GRM8: variants seen among roughly 807,000 people sequenced by gnomAD.
The protein encoded by GRM8 is glutamate metabotropic receptor 8.
A neutral mutation model predicts 87.2 loss-of-function variants in GRM8; 47 were observed. That is an observed-to-expected ratio of 0.54 (90% confidence interval 0.43 to 0.69). GRM8 has a LOEUF of 0.69. Among genes scored for constraint, GRM8 ranks in the 30% least tolerant of loss-of-function variants. The pLI, the probability that GRM8 is intolerant of heterozygous loss-of-function variation, is 0.00. For synonymous variants in GRM8, 396 were observed against 404.5 expected (o/e 0.98, Z 0.25); for missense variants, 1,019 against 1,139.2 (o/e 0.89, Z 1.52).
intron 3 of GRM8, among the ~76,000 whole-genome samples, chr7:126,937,269 GC>G (rs1354353141): frequency 1.6e-5 from 2 of 128,558 alleles, no homozygotes; most frequent in East Asian, 7.1e-4. Context: ...TTAGGAGTGG[GC>G]TACCAAACCA....
chr7:127,201,204 A>G (rs1255533547), intron 2 of GRM8, among the ~76,000 whole-genome samples: 1 of 152,038 alleles, frequency 6.6e-6, no homozygotes, highest in Non-Finnish European at 1.5e-5. Flanking sequence ...TTATCAAATA[A>G]CTACTCTGTG....
intron 8 of GRM8, among the ~76,000 whole-genome samples, chr7:126,591,736 A>T (rs1177500275): frequency 3.3e-5 from 5 of 151,818 alleles, no homozygotes; most frequent in Non-Finnish European, 7.4e-5. Context: ...AAATAAGAAC[A>T]AACTAAGCTC....
chr7:126,877,704 A>G (rs1389673922), intron 6 of GRM8, among the ~76,000 whole-genome samples: 1 of 152,200 alleles, frequency 6.6e-6, no homozygotes, highest in African/African-American at 2.4e-5. Context: ...GTCTTTACTT[A>G]TCACTCTAGC....
At chr7:127,142,141 TA>T (rs1394550932) in intron 2 of GRM8, among the ~76,000 whole-genome samples, 1 of 152,012 alleles carries the variant, frequency 6.6e-6, no homozygotes, top group African/African-American at 2.4e-5. Context: ...GCACACCTAA[TA>T]TTTTTTTAAA....
rs909236213 is a variant in GRM8 at position 126,803,865 on chromosome 7, G to A, written c.1157-33800C>T. Among the ~76,000 whole-genome samples the A allele has an allele frequency of 2.0e-5, 3 of 152,206 alleles. No homozygotes were observed. The East Asian group carries it at 5.8e-4, about 29-fold the overall frequency. On this transcript the variant is annotated intron_variant, in intron 6 of 10. Transcript: ENST00000339582. The stretch of plus-strand genomic sequence containing the variant: ...ATACACCTGCCTCATAGGATTAAAT[G>A]AGAGATCATGTGTTTAAAGTGCTAA...
chr7:126,467,258 T>C (rs976405053), intron 9 of GRM8, among the ~76,000 whole-genome samples: 2 of 151,834 alleles, frequency 1.3e-5, no homozygotes, highest in African/African-American at 4.8e-5. Context: ...GGTTTTCTGT[T>C]CCTGTGTTAG....
intron 3 of GRM8, among the ~76,000 whole-genome samples, chr7:127,004,534 A>G (rs1324447569): frequency 6.6e-6 from 1 of 151,732 alleles, no homozygotes; most frequent in Non-Finnish European, 1.5e-5. Flanking sequence ...CTTCACCGAT[A>G]TTGAGGTAAA....
chr7:126,757,092 G>A (rs182729950), intron 7 of GRM8, among the ~76,000 whole-genome samples: 4 of 152,050 alleles, frequency 2.6e-5, no homozygotes, highest in Admixed American at 6.6e-5. Flanking sequence ...GTCTAACAAA[G>A]TAAATTTAAA....
intron 3 of GRM8, among the ~76,000 whole-genome samples, chr7:126,955,416 T>C (rs775283465): frequency 2.7e-4 from 41 of 152,168 alleles, no homozygotes; most frequent in Admixed American, 1.6e-3. Context: ...CAATAAAAAT[T>C]GTTTGAATCG....
At chr7:127,051,629 A>C (rs1819482385) in intron 3 of GRM8, among the ~76,000 whole-genome samples, 1 of 150,150 alleles carries the variant, frequency 6.7e-6, no homozygotes. Context: ...TCCAAATACA[A>C]ATTAACAAAT....
intron 3 of GRM8, among the ~76,000 whole-genome samples, chr7:127,020,057 T>C (rs747694207): frequency 5.9e-5 from 9 of 152,114 alleles, no homozygotes; most frequent in Non-Finnish European, 1.3e-4. Flanking sequence ...ACACAAAAAG[T>C]GAGTTTCTAC....
chr7:126,906,055 G>A (rs1426708852), intron 3 of GRM8, among the ~76,000 whole-genome samples: 1 of 152,162 alleles, frequency 6.6e-6, no homozygotes, highest in African/African-American at 2.4e-5. Flanking sequence ...CAGTGTGAAA[G>A]TATTAGGAGA....
At chr7:126,565,713 G>T (rs993311645) in intron 8 of GRM8, among the ~76,000 whole-genome samples, 1 of 151,970 alleles carries the variant, frequency 6.6e-6, no homozygotes, top group Non-Finnish European at 1.5e-5. Flanking sequence ...AACTATAAAA[G>T]AACCCAAATA....
At chr7:127,046,359 G>A (rs1437750000) in intron 3 of GRM8, among the ~76,000 whole-genome samples, 2 of 151,748 alleles carry the variant, frequency 1.3e-5, no homozygotes, top group South Asian at 2.1e-4. Flanking sequence ...GCAACAGAGC[G>A]AGACTCTGTC....
chr7:126,889,774 A>G (rs1246701569), intron 6 of GRM8, among the ~76,000 whole-genome samples: 1 of 152,140 alleles, frequency 6.6e-6, no homozygotes, highest in Non-Finnish European at 1.5e-5. Flanking sequence ...GCAAATATTG[A>G]CCTTCTGACT....
At chr7:127,163,397 G>A (rs1298115232) in intron 2 of GRM8, among the ~76,000 whole-genome samples, 1 of 152,166 alleles carries the variant, frequency 6.6e-6, no homozygotes, top group East Asian at 1.9e-4. Context: ...TCTGCTGAAG[G>A]CCACAGCTCC....
At chr7:127,103,000 C>A (rs1487669111) in intron 3 of GRM8, among the ~76,000 whole-genome samples, 1 of 152,178 alleles carries the variant, frequency 6.6e-6, no homozygotes, top group Non-Finnish European at 1.5e-5. Context: ...GTAGCTGGGA[C>A]AGCAGGCACA....
At chr7:127,035,518 A>G (rs745939875) in intron 3 of GRM8, among the ~76,000 whole-genome samples, 19 of 152,136 alleles carry the variant, frequency 1.2e-4, no homozygotes, top group Non-Finnish European at 2.5e-4. Context: ...TCTCTTCCCA[A>G]TTCCACTCTC....
intron 3 of GRM8, among the ~76,000 whole-genome samples, chr7:126,985,566 T>G (rs1325287152): frequency 1.3e-5 from 2 of 152,178 alleles, no homozygotes; most frequent in Non-Finnish European, 2.9e-5. Context: ...TTTCTTACAG[T>G]TATGGAGGCC....
Sources: gnomAD v4.1 joint callset for allele counts (sites outside exome capture counted in the v4.1 genomes callset) on GRCh38, gnomAD v4.1.1 for gene constraint, MANE v1.5 for transcripts, NCBI Gene and HGNC (gene_info 2026-07-23, HGNC 2026-07-21) for gene names.